The following TMEM132D variants were observed in gnomAD, a reference collection of about 807,000 sequenced individuals.
TMEM132D encodes transmembrane protein 132D.
Under a neutral mutation model 62.3 loss-of-function variants are expected in TMEM132D, and 21 were observed. That is an observed-to-expected ratio of 0.34 (90% CI 0.24 to 0.49). The LOEUF (loss-of-function observed/expected upper bound fraction) is 0.49. TMEM132D is among the 20% of genes least tolerant of loss of function. The pLI, the probability that TMEM132D is intolerant of heterozygous loss-of-function variation, is 0.99. For missense variants in TMEM132D, 1,346 were observed against 1,402.8 expected, an observed-to-expected ratio of 0.96 and a Z score of 0.65; for synonymous variants, 621 against 575.6, an observed-to-expected ratio of 1.08 and a Z score of -1.13.
chr12:129,254,772 C>T (rs1017733608), intron 4 of TMEM132D, among the ~76,000 whole-genome samples: 1 of 152,118 alleles, frequency 6.6e-6, no homozygotes, highest in Non-Finnish European at 1.5e-5. Flanking sequence ...GCCTCATCCT[C>T]TTCTGATTTA....
chr12:129,748,872 G>C (rs966199155), intron 1 of TMEM132D, among the ~76,000 whole-genome samples: 1 of 152,194 alleles, frequency 6.6e-6, no homozygotes, highest in Non-Finnish European at 1.5e-5. Context: ...CATGTTCACT[G>C]TACTCCTCAC....
At chr12:129,526,113 C>T (rs1015452198) in intron 3 of TMEM132D, among the ~76,000 whole-genome samples, 1 of 152,184 alleles carries the variant, frequency 6.6e-6, no homozygotes, top group Non-Finnish European at 1.5e-5. Flanking sequence ...ATGTGAGTTT[C>T]CCCACCCTAT....
intron 3 of TMEM132D, among the ~76,000 whole-genome samples, chr12:129,354,043 A>G (rs1159470327): frequency 6.6e-6 from 1 of 152,058 alleles, no homozygotes; most frequent in Admixed American, 6.5e-5. Flanking sequence ...GCACTTAAAT[A>G]GATGAAGTCA....
At chr12:129,354,601 C>T (rs900040921) in intron 3 of TMEM132D, among the ~76,000 whole-genome samples, 2 of 152,132 alleles carry the variant, frequency 1.3e-5, no homozygotes. Context: ...GGATTACAGG[C>T]GTGAGCCACT....
chr12:129,387,843 T>A (rs867645067), intron 3 of TMEM132D, among the ~76,000 whole-genome samples: 3 of 67,584 alleles, frequency 4.4e-5, no homozygotes, highest in East Asian at 4.2e-4. Flanking sequence ...AACACCGACA[T>A]CAATACTAAC....
intron 3 of TMEM132D, among the ~76,000 whole-genome samples, chr12:129,480,549 C>T (rs1038824287): frequency 6.6e-6 from 1 of 152,206 alleles, no homozygotes; most frequent in Non-Finnish European, 1.5e-5. Context: ...TGCAGCAATG[C>T]TGTCCCACAG....
chr12:129,092,246 T>C (rs1874946853), intron 5 of TMEM132D, among the ~76,000 whole-genome samples: 2 of 152,224 alleles, frequency 1.3e-5, no homozygotes, highest in Non-Finnish European at 2.9e-5. Context: ...ATTTAAATCT[T>C]ATTTAAATAT....
Position 129,209,528 on chromosome 12 carries a change from C to T in TMEM132D, c.1435G>A (p.Val479Met), listed in dbSNP as rs756867549. The T allele has an allele frequency of 1.7e-5, 27 of 1,598,104 alleles. No homozygotes were observed. The highest frequency in any genetic ancestry group is 1.7e-4 in the Middle Eastern group (1 of 6,018). ...GGGAGGTGTCAACTTGCCTTAATCA[C>T]GTCTTCATCAGACGATCTACACTCC... is the stretch of plus-strand genomic sequence containing the variant. The part of the protein sequence containing the change: ...SVECRSSDED[V>M]IKVSDRCDYV... The change falls in exon 5 of 9, where the codon GTG becomes ATG. Residue 479 changes from valine to methionine, a missense_variant. By Grantham distance (21) the Val-to-Met change is conservative. Coordinates refer to ENST00000422113, the MANE Select transcript of TMEM132D (RefSeq NM_133448.3).
intron 1 of TMEM132D, among the ~76,000 whole-genome samples, chr12:129,832,856 A>G (rs1872886489): frequency 1.3e-5 from 2 of 152,206 alleles, no homozygotes; most frequent in Non-Finnish European, 2.9e-5. Flanking sequence ...TTCACCTGTC[A>G]GAGAGCTTGT....
chr12:129,081,718 C>CAG (rs113947597), intron 7 of TMEM132D, 41 bp downstream of exon 7: 3 of 1,538,628 alleles, frequency 1.9e-6, no homozygotes, highest in Non-Finnish European at 1.7e-6. Context: ...GGTGGGAAGA[C>CAG]AGAGAGATCT....
intron 1 of TMEM132D, among the ~76,000 whole-genome samples, chr12:129,872,162 C>T (rs770685298): frequency 2.0e-5 from 3 of 152,320 alleles, no homozygotes; most frequent in Admixed American, 6.5e-5. Flanking sequence ...AGTGTCACAG[C>T]GGGTGACACA....
At chr12:129,692,762 C>T (rs933525269) in intron 2 of TMEM132D, among the ~76,000 whole-genome samples, 5 of 152,056 alleles carry the variant, frequency 3.3e-5, no homozygotes, top group Admixed American at 1.3e-4. Flanking sequence ...AAACCAAACA[C>T]CACATGTTCT....
intron 4 of TMEM132D, among the ~76,000 whole-genome samples, chr12:129,258,837 T>C (rs562660738): frequency 6.6e-6 from 1 of 152,296 alleles, no homozygotes; most frequent in East Asian, 1.9e-4. Context: ...ATTCAAATAA[T>C]AATACATGCT....
At chr12:129,589,445 A>T (rs12230329) in intron 2 of TMEM132D, among the ~76,000 whole-genome samples, 11,880 of 152,194 alleles carry the variant, frequency 0.078, 611 homozygotes, top group East Asian at 0.19. Context: ...AGACTAATAC[A>T]TGGGGGAAGG....
chr12:129,416,740 T>G (rs1446871727), intron 3 of TMEM132D, among the ~76,000 whole-genome samples: 1 of 152,198 alleles, frequency 6.6e-6, no homozygotes, highest in African/African-American at 2.4e-5. Context: ...TTAATGAGTA[T>G]TTTTAGCATG....
At chr12:129,691,420 A>T (rs1881057588) in intron 2 of TMEM132D, among the ~76,000 whole-genome samples, 1 of 152,048 alleles carries the variant, frequency 6.6e-6, no homozygotes. Context: ...TATCAATAAA[A>T]TTGATAAAAT....
intron 3 of TMEM132D, among the ~76,000 whole-genome samples, chr12:129,483,454 C>T (rs1023538149): frequency 3.9e-5 from 6 of 152,292 alleles, no homozygotes; most frequent in South Asian, 2.1e-4. Context: ...CACGCATTCT[C>T]GAGGAACTCT....
At chr12:129,774,159 C>T (rs1179915008) in intron 1 of TMEM132D, among the ~76,000 whole-genome samples, 1 of 152,076 alleles carries the variant, frequency 6.6e-6, no homozygotes, top group Non-Finnish European at 1.5e-5. Flanking sequence ...TGTTGCCTGA[C>T]CAGGGGTGTG....
At chr12:129,771,891 T>A (rs1431166771) in intron 1 of TMEM132D, among the ~76,000 whole-genome samples, 1 of 152,246 alleles carries the variant, frequency 6.6e-6, no homozygotes, top group Non-Finnish European at 1.5e-5. Context: ...ACAAAAGCTC[T>A]ATGAAGTCAG....
Sources: gnomAD v4.1 joint callset for allele counts (sites outside exome capture counted in the v4.1 genomes callset) on GRCh38, gnomAD v4.1.1 for gene constraint, MANE v1.5 for transcripts, NCBI Gene and HGNC (gene_info 2026-07-23, HGNC 2026-07-21) for gene names.